CNGA1: variants seen among roughly 807,000 people sequenced by gnomAD.
CNGA1 encodes the protein cyclic nucleotide gated channel subunit alpha 1.
CNGA1 carries 53 observed loss-of-function variants against 69.7 expected under a neutral mutation model. That is an observed-to-expected ratio of 0.76 (90% confidence interval 0.61 to 0.96). CNGA1 has a LOEUF of 0.96. Among genes scored for constraint, CNGA1 ranks in the 40% least tolerant of loss-of-function variants. The pLI is 0.00. For missense variants in CNGA1, 739 were observed against 811.2 expected (o/e 0.91, Z 1.08); for synonymous variants, 249 against 283.5 (o/e 0.88, Z 1.22).
chr4:47,970,308 G>A (rs994784411), intron 3 of CNGA1, among the ~76,000 whole-genome samples: 2 of 151,978 alleles, frequency 1.3e-5, no homozygotes, highest in African/African-American at 4.8e-5. Flanking sequence ...CATAGCTAGG[G>A]TACTCAATAC....
At chr4:47,977,350 C>G (rs553466036) in intron 3 of CNGA1, among the ~76,000 whole-genome samples, 3 of 152,254 alleles carry the variant, frequency 2.0e-5, no homozygotes, top group Admixed American at 6.5e-5. Flanking sequence ...CATCTGCAAG[C>G]TAAGGAGGGA....
In CNGA1 at chr4:47,937,584, C is replaced by A; in HGVS notation, c.898G>T (p.Val300Phe). The change falls in exon 11 of 11, where the codon GTT (valine) becomes TTT (phenylalanine). Residue 300 changes from valine to phenylalanine, a missense_variant. By Grantham distance (50) the Val-to-Phe change is conservative. Transcript: ENST00000514170. ...TGGATAATGATGACGATATACATAA[C>A]AAGGTTGGAAATCCTGAAGATGTTT... ...YPNIFRISNLVMYIVIIIHWN... is the reference protein window; with the variant it reads ...YPNIFRISNLFMYIVIIIHWN... The A allele has an allele frequency of 6.2e-6, 10 of 1,614,090 alleles. No individual in the cohort carries two copies. The highest frequency in any genetic ancestry group is 8.5e-6 in the Non-Finnish European group (10 of 1,180,006).
At chr4:48,000,375 T>TC (rs113689272) in intron 2 of CNGA1, among the ~76,000 whole-genome samples, 1 of 75,162 alleles carries the variant, frequency 1.3e-5, no homozygotes, top group Non-Finnish European at 2.6e-5. Flanking sequence ...ACAATAAGTG[T>TC]TTTTTTTTTT....
At chr4:47,945,316 G>A (rs1456375115) in intron 6 of CNGA1, among the ~76,000 whole-genome samples, 1 of 152,138 alleles carries the variant, frequency 6.6e-6, no homozygotes, top group African/African-American at 2.4e-5. Context: ...CCAATGACTA[G>A]AGGAGAAGCC....
At chr4:47,980,472 CTTTTTTTT>C (rs5858098) in intron 3 of CNGA1, among the ~76,000 whole-genome samples, 1 of 112,382 alleles carries the variant, frequency 8.9e-6, no homozygotes, top group Non-Finnish European at 1.8e-5. Flanking sequence ...TTCTTTCTTT[CTTTTTTTT>C]TTTTTTTTTT....
At chr4:47,973,914 C>T (rs1482574466) in intron 3 of CNGA1, among the ~76,000 whole-genome samples, 1 of 151,816 alleles carries the variant, frequency 6.6e-6, no homozygotes, top group African/African-American at 2.4e-5. Flanking sequence ...AAATTGTGGC[C>T]GGGTGTGGTG....
Position 47,996,383 on chromosome 4 carries a change from T to G in CNGA1, c.-123+14411A>C, listed in dbSNP as rs1310071536. Among the ~76,000 whole-genome samples the G allele has an allele frequency of 2.0e-5, 3 of 152,172 alleles. No homozygotes were observed. In the East Asian group the frequency reaches 5.8e-4, roughly 29 times the overall value. On this transcript the variant is annotated intron_variant, in intron 2 of 10. Coordinates refer to ENST00000514170, the MANE Select transcript of CNGA1 (RefSeq NM_001379270.1). ...GCATCCTGGTTTGCTAATTTAGATT[T>G]GCATCCTGGTTTGCTAATTTCTGAC...
intron 3 of CNGA1, among the ~76,000 whole-genome samples, chr4:47,959,751 C>T (rs1336098098): frequency 6.6e-6 from 1 of 152,114 alleles, no homozygotes; most frequent in Non-Finnish European, 1.5e-5. Flanking sequence ...TTACAGGCAC[C>T]TGCCACCATG....
At position 47,936,011 on chromosome 4, in the gene CNGA1, T is replaced by G. The variant is rs539897770; in HGVS notation, c.*410A>C. On this transcript the variant is annotated 3_prime_UTR_variant, in exon 11 of 11. Transcript: ENST00000514170. ...TAATTTTACTTTATTGCAGTCTAAT[T>G]TTTAAAAATGTTATCCCAAATATGA... 1 of 193,194 alleles carries G rather than the reference T, an allele frequency of 5.2e-6. No homozygotes were observed. The highest frequency in any genetic ancestry group is 1.1e-5 in the Non-Finnish European group (1 of 93,114). The allele number at this position is 193,194 out of a possible 1,614,324, so 12.0% of individuals were successfully genotyped here. A position where few individuals can be genotyped will look rare whatever the true frequency, so the allele number is the denominator to read the frequency against.
At chr4:47,986,556 TGTA>T (rs1255379326) in intron 2 of CNGA1, among the ~76,000 whole-genome samples, 1 of 152,172 alleles carries the variant, frequency 6.6e-6, no homozygotes, top group East Asian at 1.9e-4. Context: ...TTTTCATGTG[TGTA>T]GAGTGTTTAA....
chr4:48,004,759 T>C (rs2109349941), intron 2 of CNGA1, among the ~76,000 whole-genome samples: 1 of 152,264 alleles, frequency 6.6e-6, no homozygotes, highest in East Asian at 1.9e-4. Flanking sequence ...GGCTTATGTA[T>C]GTAAATAGGT....
intron 2 of CNGA1, among the ~76,000 whole-genome samples, chr4:47,995,571 T>G (rs1257287625): frequency 1.3e-5 from 2 of 151,576 alleles, no homozygotes; most frequent in Admixed American, 1.3e-4. Context: ...TTTTATTTCC[T>G]TAAATTGGGC....
chr4:47,955,671 C>T (rs1224835082), intron 3 of CNGA1, among the ~76,000 whole-genome samples: 5 of 152,186 alleles, frequency 3.3e-5, no homozygotes, highest in African/African-American at 1.2e-4. Flanking sequence ...ATCCATTGCT[C>T]AAGTCCAGGC....
At chr4:48,002,876 T>C (rs946979698) in intron 2 of CNGA1, among the ~76,000 whole-genome samples, 7 of 152,260 alleles carry the variant, frequency 4.6e-5, no homozygotes, top group Non-Finnish European at 1.0e-4. Flanking sequence ...CCCCACAGCC[T>C]GATGGCCTCC....
intron 2 of CNGA1, among the ~76,000 whole-genome samples, chr4:47,991,018 A>ATG (rs1560308848): frequency 6.6e-6 from 1 of 152,082 alleles, no homozygotes; most frequent in African/African-American, 2.4e-5. Flanking sequence ...ATATATATAT[A>ATG]CATGTATATA....
At chr4:47,938,936 G>A (rs1240023577) in intron 10 of CNGA1, among the ~76,000 whole-genome samples, 2 of 149,472 alleles carry the variant, frequency 1.3e-5, no homozygotes, top group East Asian at 3.9e-4. Flanking sequence ...GAAAGAGAGA[G>A]AGAGAGGGAT....
intron 3 of CNGA1, among the ~76,000 whole-genome samples, chr4:47,976,454 C>T (rs1293495296): frequency 6.6e-6 from 1 of 150,698 alleles, no homozygotes; most frequent in Non-Finnish European, 1.5e-5. Context: ...CTTTATATCC[C>T]CTGAGAGAAG....
At chr4:48,012,558 C>CTTT (rs528643370) in intron 1 of CNGA1, among the ~76,000 whole-genome samples, 704 of 64,946 alleles carry the variant, frequency 0.011, 30 homozygotes, top group East Asian at 0.013. Flanking sequence ...ACCACACCAT[C>CTTT]TTTTTTTTTT....
intron 3 of CNGA1, among the ~76,000 whole-genome samples, chr4:47,968,676 G>C (rs2110192107): frequency 6.6e-6 from 1 of 152,294 alleles, no homozygotes; most frequent in East Asian, 1.9e-4. Context: ...ACTAGAAAGG[G>C]AGAGTCTCTC....
Sources: gnomAD v4.1 joint callset for allele counts (sites outside exome capture counted in the v4.1 genomes callset) on GRCh38, gnomAD v4.1.1 for gene constraint, MANE v1.5 for transcripts, NCBI Gene and HGNC (gene_info 2026-07-23, HGNC 2026-07-21) for gene names.